Variants in WAPL observed in about 807,000 individuals in gnomAD.
WAPL encodes the protein wings apart-like protein homolog.
In WAPL, 5 loss-of-function variants were observed where a neutral mutation model predicts 121.0. The ratio of observed to expected loss-of-function variants is 0.04; its 90% CI spans 0.02 to 0.09. WAPL has a LOEUF of 0.09. Ranked by LOEUF, WAPL falls within the 10% of genes least tolerant of loss-of-function variation. The pLI is 1.00. For missense variants in WAPL, 999 were observed against 1,410.8 expected, an observed-to-expected ratio of 0.71 and a Z score of 4.68; for synonymous variants, 480 against 481.5, an observed-to-expected ratio of 1.00 and a Z score of 0.04.
chr10:86,472,759 C>G lies in WAPL; in HGVS notation c.1746G>C (p.Arg582Ser). Residue 582 changes from arginine to serine, a missense_variant, in exon 6 of 19, where the codon AGG becomes AGC. This residue lies in a region of WAPL where 74 missense variants were observed against 115.1 expected (regional missense o/e 0.64). Transcript: ENST00000298767. This position sits in a 1 kb window ranked among gnomAD's most constrained non-coding sequence, Gnocchi z 4.2. ...PVVKPQSVTVRLSSKEPNQKD... is the reference protein window; with the variant it reads ...PVVKPQSVTVSLSSKEPNQKD... ...TTTGATTTGGTTCCTTTGAAGACAG[C>G]CTCACCTATTAATAAAGGTATTAAA... 6.2e-7 allele frequency: 1 copy of G among 1,609,826 alleles called. No homozygotes were observed. The highest frequency in any genetic ancestry group is 8.5e-7 in the Non-Finnish European group (1 of 1,178,192).
intron 12 of WAPL, 105 bp downstream of exon 12, chr10:86,458,884 G>T (rs887063760): frequency 2.6e-5 from 22 of 840,080 alleles, no homozygotes; most frequent in Admixed American, 7.9e-5. Flanking sequence ...ACTCAACAGA[G>T]CATTTCATGG....
intron 12 of WAPL, among the ~76,000 whole-genome samples, chr10:86,454,450 G>A (rs554529474): frequency 2.0e-5 from 3 of 152,202 alleles, no homozygotes; most frequent in African/African-American, 2.4e-5. Flanking sequence ...CTGTACTGCC[G>A]CCATCTCGGC....
chr10:86,491,271 C>A (rs1490406928), intron 4 of WAPL, among the ~76,000 whole-genome samples: 1 of 150,570 alleles, frequency 6.6e-6, no homozygotes, highest in Non-Finnish European at 1.5e-5. Flanking sequence ...TCCCAAGTAG[C>A]TGGGACCACA....
At chr10:86,468,148 C>A (rs763890503) in intron 8 of WAPL, among the ~76,000 whole-genome samples, 2 of 151,996 alleles carry the variant, frequency 1.3e-5, no homozygotes, top group Non-Finnish European at 2.9e-5. Flanking sequence ...AACATTTTTG[C>A]AGATATGTGT....
At chr10:86,440,503 G>A (rs990114659) in intron 17 of WAPL, among the ~76,000 whole-genome samples, 8 of 151,790 alleles carry the variant, frequency 5.3e-5, no homozygotes, top group Non-Finnish European at 8.8e-5. Flanking sequence ...GTTTCACCGT[G>A]TTAGCCAGGA....
chr10:86,441,386 G>T (rs1040543548), intron 17 of WAPL, among the ~76,000 whole-genome samples: 2 of 152,078 alleles, frequency 1.3e-5, no homozygotes, highest in African/African-American at 4.8e-5. Flanking sequence ...GAATCCTGAT[G>T]ATCTAATCCA....
intron 2 of WAPL, among the ~76,000 whole-genome samples, chr10:86,505,153 G>A (rs1333350063): frequency 6.7e-6 from 1 of 148,438 alleles, no homozygotes. Flanking sequence ...CCTAAAAGCT[G>A]TAGAGTTTTT....
In WAPL at chr10:86,517,749, T is replaced by C; in HGVS notation, c.321A>G (p.Glu107=). ...YSESSEAAQL[E]EVTSVLEANS... ...TAGCTTCAAGTACTGAAGTGACCTC[T>C]TCCAACTGAGCAGCTTCACTAGATT... is the stretch of plus-strand genomic sequence containing the variant. The change falls in exon 2 of 19, where the codon GAA becomes GAG. Residue 107 remains glutamate (E), a synonymous_variant. Coordinates refer to ENST00000298767, the MANE Select transcript of WAPL (RefSeq NM_015045.5). The C allele has an allele frequency of 6.2e-7, 1 of 1,614,184 alleles. No individual in the cohort carries two copies. Among genetic ancestry groups the C allele is most frequent in the Non-Finnish European group, 8.5e-7 (1 of 1,180,030 alleles).
intron 9 of WAPL, among the ~76,000 whole-genome samples, chr10:86,466,396 C>T (rs577790687): frequency 1.3e-5 from 2 of 152,194 alleles, no homozygotes; most frequent in South Asian, 2.1e-4. Flanking sequence ...TGGCGAAAAC[C>T]CCATCTCTAC....
At chr10:86,513,451 G>T (rs1842502618) in intron 2 of WAPL, among the ~76,000 whole-genome samples, 1 of 151,458 alleles carries the variant, frequency 6.6e-6, no homozygotes, top group Non-Finnish European at 1.5e-5. Flanking sequence ...TCCCGCCTCA[G>T]TGTCCTGAGT....
At chr10:86,497,438 A>G (rs1842170122) in intron 3 of WAPL, 119 bp from the exon 4 acceptor site, 2 of 768,396 alleles carry the variant, frequency 2.6e-6, no homozygotes, top group Non-Finnish European at 4.3e-6. Flanking sequence ...AAAGGAAATC[A>G]CAGCACCACA....
chr10:86,492,070 T>C (rs1193522000), intron 4 of WAPL, among the ~76,000 whole-genome samples: 1 of 152,224 alleles, frequency 6.6e-6, no homozygotes, highest in African/African-American at 2.4e-5. Flanking sequence ...TTTCTACATA[T>C]TCAACTATTT....
In WAPL at chr10:86,512,419, G is replaced by A. The variant is rs573057709; in HGVS notation, c.499+5152C>T. 7.2e-5 allele frequency among the ~76,000 whole-genome samples: 11 copies of A among 152,332 alleles called. No homozygotes were observed. The South Asian group carries it at 2.3e-3, about 32-fold the overall frequency. On this transcript the variant is annotated intron_variant, in intron 2 of 18. Transcript: ENST00000298767. Reference sequence around the variant, plus strand: ...AAAAGTGTGCCAAGCCGAAATATAAGTCTTTGCACACTTTATTCTAGAGTC... The same window carrying A: ...AAAAGTGTGCCAAGCCGAAATATAAATCTTTGCACACTTTATTCTAGAGTC...
intron 4 of WAPL, among the ~76,000 whole-genome samples, chr10:86,496,098 G>C (rs1259456962): frequency 1.3e-5 from 2 of 152,144 alleles, no homozygotes; most frequent in Non-Finnish European, 2.9e-5. Flanking sequence ...TGGGCAACAA[G>C]AGCGAAACTC....
At chr10:86,497,411 A>C (rs1191205633) in intron 3 of WAPL, 92 bp from the exon 4 acceptor site, 24 of 927,576 alleles carry the variant, frequency 2.6e-5, no homozygotes, top group Non-Finnish European at 3.9e-5. Flanking sequence ...AATGAATGAA[A>C]ATGGGAAGAA....
chr10:86,476,408 G>A (rs1841655880), intron 4 of WAPL, among the ~76,000 whole-genome samples: 1 of 151,242 alleles, frequency 6.6e-6, no homozygotes, highest in East Asian at 2.0e-4. Flanking sequence ...AATATGTGCT[G>A]TCGGGTGTGG....
At chr10:86,449,418 A>G (rs1840912090) in intron 15 of WAPL, among the ~76,000 whole-genome samples, 2 of 152,356 alleles carry the variant, frequency 1.3e-5, no homozygotes. Context: ...AAAACTTTAA[A>G]CTGATTTAAA....
rs1849291609 is a variant in WAPL at position 86,435,325 on chromosome 10, C to T, written c.*2218G>A. 6.6e-6 allele frequency: 1 copy of T among 152,560 alleles called. No individual in the cohort carries two copies. The allele number at this position is 152,560 out of a possible 1,614,324, so 9.5% of individuals were successfully genotyped here. A position where few individuals can be genotyped will look rare whatever the true frequency, so the allele number is the denominator to read the frequency against. On this transcript the variant is annotated 3_prime_UTR_variant, in exon 19 of 19. Coordinates refer to ENST00000298767, the MANE Select transcript of WAPL (RefSeq NM_015045.5). Reference sequence around the variant, plus strand: ...AAACCCAAAGACATACTTCATGAAACTGGTACAAACTATTTTTTCCTGCCG... The same window carrying T: ...AAACCCAAAGACATACTTCATGAAATTGGTACAAACTATTTTTTCCTGCCG...
rs182969369 is a variant in WAPL, at chr10:86,490,655, C to A, written c.1644+6546G>T. Among the ~76,000 whole-genome samples, 8 of 152,188 alleles carry A rather than the reference C, an allele frequency of 5.3e-5. No homozygotes were observed. The South Asian group carries it at 6.2e-4, about 12-fold the overall frequency. On this transcript the variant is annotated intron_variant, in intron 4 of 18. Transcript: ENST00000298767. Reference sequence around the variant, plus strand: ...AGTAAACTAAAATCTAAGGAAAAAACCAATTACAAAGAAATTAAAATTCAC... The same window carrying A: ...AGTAAACTAAAATCTAAGGAAAAAAACAATTACAAAGAAATTAAAATTCAC...
Sources: gnomAD v4.1 joint callset for allele counts (sites outside exome capture counted in the v4.1 genomes callset) on GRCh38, gnomAD v4.1.1 for gene constraint, gnomAD v4.1.1 regional missense constraint, Gnocchi (gnomAD v3.1) non-coding constraint, MANE v1.5 for transcripts, NCBI Gene and HGNC (gene_info 2026-07-23, HGNC 2026-07-21) for gene names.